Variants in HK1 observed in about 807,000 individuals in gnomAD.
HK1 encodes hexokinase-1.
Under a neutral mutation model 91.6 loss-of-function variants are expected in HK1, and 28 were observed. The ratio of observed to expected loss-of-function variants is 0.31; its 90% CI spans 0.23 to 0.42. The LOEUF (loss-of-function observed/expected upper bound fraction) is 0.42. HK1 is among the 10% of genes least tolerant of loss of function. The probability of loss-of-function intolerance (pLI) is 1.00; values close to 1 mark genes in which losing one functional copy is unlikely to be tolerated. For synonymous variants in HK1, 430 were observed against 468.1 expected (o/e 0.92, Z 1.05); for missense variants, 770 against 1,219.8 (o/e 0.63, Z 5.49).
In HK1 at chr10:69,393,940, G is replaced by A. The variant is rs3793844; in HGVS notation, c.2220-1010G>A. Among the ~76,000 whole-genome samples, 909 of 152,256 alleles carry A rather than the reference G, an allele frequency of 6.0e-3. 6 individuals carry two copies. The highest frequency in any genetic ancestry group is 0.039 in the South Asian group (190 of 4,828). ...AGTAAGACCCCCTTGGTTAAAAAGC[G>A]GGGGGATCAGCAAGTGTTGGAAGGG... On this transcript the variant is annotated intron_variant, in intron 15 of 17. Transcript: ENST00000359426.
intron 5 of HK1, among the ~76,000 whole-genome samples, chr10:69,304,125 A>T (rs1845997537): frequency 6.6e-6 from 1 of 152,166 alleles, no homozygotes; most frequent in African/African-American, 2.4e-5. Flanking sequence ...GAGGGTCAGA[A>T]TCTTGTAGCC....
chr10:69,318,140 T>TG (rs1846750238), upstream of HK1: 2 of 985,294 alleles, frequency 2.0e-6, no homozygotes, highest in African/African-American at 3.5e-5. Context: ...GCGGGTGCTC[T>TG]GGGGTGTCGC....
chr10:69,366,367 G>C lies in HK1; in HGVS notation c.495+1465G>C, dbSNP rs371509572. Among the ~76,000 whole-genome samples the C allele has an allele frequency of 9.8e-5, 15 of 152,288 alleles. No homozygotes were observed. In the South Asian group the frequency reaches 2.1e-3, roughly 21 times the overall value. ...CCACACTTGCAGGGAGCACCCCTGG[G>C]TCCCTTTATGCCATTAGGGTAAGCG... On this transcript the variant is annotated intron_variant, in intron 4 of 17. Transcript: ENST00000359426.
rs76454223 is a variant in HK1 at position 69,384,664 on chromosome 10, A to G, written c.1720-132A>G. On this transcript the variant is annotated intron_variant, in intron 11 of 17. Coordinates refer to ENST00000359426, the MANE Select transcript of HK1 (RefSeq NM_000188.3). ...CTCTGGTGGCTGAGAAGATTCTGGAAAAGGAGGCTCACTCTGCATGTGTGT... is the reference window on the plus strand; with the variant it reads ...CTCTGGTGGCTGAGAAGATTCTGGAGAAGGAGGCTCACTCTGCATGTGTGT... 3.0e-3 allele frequency: 4,257 copies of G among 1,439,970 alleles called. 100 individuals are homozygous for G. In the African/African-American group the frequency reaches 0.053, roughly 18 times the overall value. The allele number at this position is 1,439,970 out of a possible 1,614,324, so 89.2% of individuals were successfully genotyped here.
At chr10:69,277,042 G>A (rs1844511200) in intron 1 of HK1, among the ~76,000 whole-genome samples, 1 of 152,052 alleles carries the variant, frequency 6.6e-6, no homozygotes, top group Non-Finnish European at 1.5e-5. Flanking sequence ...TTTTGACGGA[G>A]AGATATTATG....
intron 2 of HK1, among the ~76,000 whole-genome samples, chr10:69,288,035 C>T (rs1223627834): frequency 6.6e-6 from 1 of 151,760 alleles, no homozygotes; most frequent in Non-Finnish European, 1.5e-5. Context: ...GTGGTTGCAG[C>T]TACTCAGCAG....
At chr10:69,396,270 CAAA>C (rs1307475339) in intron 16 of HK1, among the ~76,000 whole-genome samples, 2 of 62,818 alleles carry the variant, frequency 3.2e-5, no homozygotes, top group Non-Finnish European at 3.8e-5. Context: ...GACTCTGTCT[CAAA>C]AAAAAAAAAA....
chr10:69,285,119 G>A (rs550726109), intron 2 of HK1, among the ~76,000 whole-genome samples: 2 of 151,828 alleles, frequency 1.3e-5, no homozygotes, highest in African/African-American at 2.4e-5. Context: ...GCACCCAGCC[G>A]TGAGATCCTA....
At chr10:69,322,831 G>C (rs1476799149) in intron 1 of HK1, among the ~76,000 whole-genome samples, 4 of 151,488 alleles carry the variant, frequency 2.6e-5, no homozygotes, top group East Asian at 1.9e-4. Flanking sequence ...CAGAGGTTGC[G>C]GTGAGCCGAG....
intron 1 of HK1, among the ~76,000 whole-genome samples, chr10:69,272,274 A>C (rs561851670): frequency 6.6e-6 from 1 of 152,362 alleles, no homozygotes; most frequent in Non-Finnish European, 1.5e-5. Flanking sequence ...GTTACAGACT[A>C]TCAGAAATTA....
chr10:69,311,954 C>A (rs903529180), upstream of HK1, among the ~76,000 whole-genome samples: 1 of 151,802 alleles, frequency 6.6e-6, no homozygotes, highest in Non-Finnish European at 1.5e-5. Flanking sequence ...GTTCTTTACG[C>A]CTATGACTTT....
chr10:69,288,826 GC>G (rs1323435421), intron 3 of HK1: 4 of 1,477,434 alleles, frequency 2.7e-6, no homozygotes, highest in Non-Finnish European at 3.8e-6. Context: ...TTGTTCCATC[GC>G]CCAGGCTGGA....
intron 2 of HK1, among the ~76,000 whole-genome samples, chr10:69,350,525 G>A (rs889453811): frequency 6.6e-6 from 1 of 151,948 alleles, no homozygotes; most frequent in Non-Finnish European, 1.5e-5. Flanking sequence ...AGTTGGGCGT[G>A]GTGGTGCATG....
At chr10:69,339,845 T>C (rs1751412128) in intron 1 of HK1, among the ~76,000 whole-genome samples, 1 of 152,194 alleles carries the variant, frequency 6.6e-6, no homozygotes, top group South Asian at 2.1e-4. Flanking sequence ...GCCTTAGACT[T>C]GCAGGTATAA....
chr10:69,292,452 T>C, intron 3 of HK1: 2 of 337,870 alleles, frequency 5.9e-6, no homozygotes, highest in Non-Finnish European at 1.2e-5. Flanking sequence ...CACACATGGA[T>C]TACCCCTGAT....
rs372438374 is a variant in HK1 at position 69,304,024 on chromosome 10, C to T, written c.27+3163C>T. Among the ~76,000 whole-genome samples, 76 of 152,192 alleles carry T rather than the reference C, an allele frequency of 5.0e-4. 1 individual carries two copies. In the South Asian group the frequency reaches 0.015, roughly 30 times the overall value. On this transcript the variant is annotated intron_variant, in intron 5 of 21. Transcript: ENST00000360289. ...ATCCAGTTTATCAATCTGGGGGGTG[C>T]CAACTGATCCATCAAGTGCAAGGTC... is the stretch of plus-strand genomic sequence containing the variant.
intron 17 of HK1, among the ~76,000 whole-genome samples, chr10:69,400,491 T>C (rs1390605901): frequency 6.6e-6 from 1 of 152,180 alleles, no homozygotes; most frequent in African/African-American, 2.4e-5. Flanking sequence ...ATGGGTGATA[T>C]TCATTCCTGC....
chr10:69,274,602 A>C (rs1844343397), intron 1 of HK1, among the ~76,000 whole-genome samples: 1 of 151,762 alleles, frequency 6.6e-6, no homozygotes, highest in Non-Finnish European at 1.5e-5. Context: ...AAAAAAAAAA[A>C]ACAGTTTCAA....
chr10:69,350,761 C>A (rs1217233312), intron 2 of HK1, among the ~76,000 whole-genome samples: 3 of 152,124 alleles, frequency 2.0e-5, no homozygotes, highest in African/African-American at 7.2e-5. Context: ...AAGTACCGAT[C>A]ATTTCATCTC....
Sources: gnomAD v4.1 joint callset for allele counts (sites outside exome capture counted in the v4.1 genomes callset) on GRCh38, gnomAD v4.1.1 for gene constraint, MANE v1.5 for transcripts, NCBI Gene and HGNC (gene_info 2026-07-23, HGNC 2026-07-21) for gene names.